The following PDXK variants were observed in gnomAD, a reference collection of about 807,000 sequenced individuals.
PDXK encodes the protein epididymis secretory sperm binding protein Li 1a.
Under a neutral mutation model 43.2 loss-of-function variants are expected in PDXK, and 15 were observed. The observed-to-expected ratio is 0.35, with a 90% CI of 0.23 to 0.53. The LOEUF (loss-of-function observed/expected upper bound fraction) is 0.53. Ranked by LOEUF, PDXK falls within the 20% of genes least tolerant of loss-of-function variation. The probability of loss-of-function intolerance (pLI) is 0.92; values close to 1 mark genes in which losing one functional copy is unlikely to be tolerated. For missense variants in PDXK, 343 were observed against 417.0 expected (o/e 0.82, Z 1.54); for synonymous variants, 172 against 165.4 (o/e 1.04, Z -0.31).
intron 10 of PDXK, 80 bp from the exon 11 acceptor site, chr21:43,755,871 C>T: frequency 7.0e-7 from 1 of 1,426,606 alleles, no homozygotes; most frequent in Non-Finnish European, 9.9e-7. Context: ...GTGTCTCCTG[C>T]TGACCTCACC....
Position 43,762,251 on chromosome 21 carries a change from G to T in PDXK, c.*6188G>T, listed in dbSNP as rs1180078131. ...GTGTAGGCTGCATCTGTTTCGTGCT[G>T]GTCCTGTTGACTTGTATGATATCCA... On this transcript the variant is annotated 3_prime_UTR_variant, in exon 11 of 11. Coordinates refer to ENST00000291565, the MANE Select transcript of PDXK (RefSeq NM_003681.5). The T allele has an allele frequency of 2.0e-5, 3 of 152,242 alleles. No individual in the cohort carries two copies. Among genetic ancestry groups the T allele is most frequent in the Non-Finnish European group, 4.4e-5 (3 of 68,078 alleles). The allele number at this position is 152,242 out of a possible 1,614,324, so 9.4% of individuals were successfully genotyped here. A position where few individuals can be genotyped will look rare whatever the true frequency, so the allele number is the denominator to read the frequency against.
Position 43,728,775 on chromosome 21 carries a change from T to A in PDXK, c.88-5294T>A, listed in dbSNP as rs892480787. 8.1e-6 allele frequency: 8 copies of A among 985,562 alleles called. No homozygotes were observed. In the African/African-American group the frequency reaches 1.4e-4, roughly 17 times the overall value. 61.1% of individuals were successfully genotyped at this position (985,562 alleles called of 1,614,324 possible). ...CGCCTGGGCAGGGGATGAGCTTGTGTCGCGGGCGGCAGGGGGAAGGGAGTC... is the reference window on the plus strand; with the variant it reads ...CGCCTGGGCAGGGGATGAGCTTGTGACGCGGGCGGCAGGGGGAAGGGAGTC... On this transcript the variant is annotated intron_variant, in intron 1 of 10. Transcript: ENST00000291565.
Position 43,737,246 on chromosome 21 carries a change from C to T in PDXK, c.142+3123C>T, listed in dbSNP as rs1195873135. On this transcript the variant is annotated intron_variant, in intron 2 of 10. Transcript: ENST00000291565. This position sits in a 1 kb window ranked among gnomAD's most constrained non-coding sequence, Gnocchi z 4.8. ...CCTTCAGGCTGGGGGGTGGGAAAGC[C>T]GATCCCCCAAGTGCCTGCAGAGCCC... The T allele has an allele frequency of 5.6e-6, 8 of 1,426,798 alleles. No homozygotes were observed. In the South Asian group the frequency reaches 6.0e-5, roughly 11 times the overall value. The allele number at this position is 1,426,798 out of a possible 1,614,324, so 88.4% of individuals were successfully genotyped here. A position where few individuals can be genotyped will look rare whatever the true frequency, so the allele number is the denominator to read the frequency against.
At chr21:43,745,955 C>T (rs1568987484) in intron 4 of PDXK, 124 bp from the exon 5 acceptor site, 2 of 771,618 alleles carry the variant, frequency 2.6e-6, no homozygotes, top group Non-Finnish European at 4.6e-6. Context: ...CATGATTGCA[C>T]CACTGCACTC....
At position 43,734,638 on chromosome 21, in the gene PDXK, C is replaced by T. The variant is rs140324875; in HGVS notation, c.142+515C>T. On this transcript the variant is annotated intron_variant, in intron 2 of 10. Coordinates refer to ENST00000291565, the MANE Select transcript of PDXK (RefSeq NM_003681.5). This position sits in a 1 kb window ranked among gnomAD's most constrained non-coding sequence, Gnocchi z 5.0. ...TGTTAACAGCAGTGCTGCAGGGCCC[C>T]GTGTGTGCCTCTGTCTCCCTGCCCT... 6.6e-3 allele frequency among the ~76,000 whole-genome samples: 1,007 copies of T among 152,194 alleles called. 21 individuals carry two copies. The highest frequency in any genetic ancestry group is 4.6e-3 in the Non-Finnish European group (315 of 68,006).
chr21:43,722,638 G>A (rs911225048), intron 1 of PDXK, among the ~76,000 whole-genome samples: 4 of 151,666 alleles, frequency 2.6e-5, no homozygotes, highest in African/African-American at 9.7e-5. Flanking sequence ...CCATACAAGG[G>A]TCCTTCCCGG....
At chr21:43,743,165 A>T (rs13051376) in intron 3 of PDXK, among the ~76,000 whole-genome samples, 3 of 33,732 alleles carry the variant, frequency 8.9e-5, no homozygotes, top group Non-Finnish European at 1.6e-4. Flanking sequence ...CCCTCCCCCC[A>T]GCTCCTGAGC....
rs66466038 is a variant in PDXK, at chr21:43,752,101, A to ATGTGTGTGTG, written c.511-400_511-391dup. On this transcript the variant is annotated intron_variant, in intron 7 of 10. Coordinates refer to ENST00000291565, the MANE Select transcript of PDXK (RefSeq NM_003681.5). ...CACGTGCTGGGTGGCGATGCAGCAC[A>ATGTGTGTGTG]TGTGTGTGTGTGTGTGTGTGTGTGT... is the stretch of plus-strand genomic sequence containing the variant. 2.7e-5 allele frequency among the ~76,000 whole-genome samples: 4 copies of ATGTGTGTGTG among 146,498 alleles called. No individual in the cohort carries two copies. The East Asian group carries it at 5.9e-4, about 22-fold the overall frequency.
chr21:43,737,584 C>T lies in PDXK; in HGVS notation c.142+3461C>T, dbSNP rs974899796. ...AGAGCCAGAGGGGATGGGACAGGTG[C>T]CCTGCTGCTGGGCTTGGTGGTCCCT... On this transcript the variant is annotated intron_variant, in intron 2 of 10. Transcript: ENST00000291565. This position sits in a 1 kb window ranked among gnomAD's most constrained non-coding sequence, Gnocchi z 4.8. The T allele has an allele frequency of 2.0e-6, 2 of 992,306 alleles. No homozygotes were observed. The highest frequency in any genetic ancestry group is 1.8e-5 in the African/African-American group (1 of 55,988). 61.5% of individuals were successfully genotyped at this position (992,306 alleles called of 1,614,324 possible).
intron 7 of PDXK, among the ~76,000 whole-genome samples, chr21:43,751,378 A>G (rs1321746982): frequency 6.6e-6 from 1 of 152,068 alleles, no homozygotes; most frequent in Admixed American, 6.6e-5. Flanking sequence ...GTAAAACCCC[A>G]TCTCTACTAA....
chr21:43,752,571 C>G lies in PDXK; in HGVS notation c.564C>G (p.Ser188=). 6.2e-7 allele frequency: 1 copy of G among 1,613,074 alleles called. No individual in the cohort carries two copies. The highest frequency in any genetic ancestry group is 8.5e-7 in the Non-Finnish European group (1 of 1,179,916). The stretch of plus-strand genomic sequence containing the variant: ...CCGACACCGTGGTCATCACCAGCTC[C>G]GACCTGCCCTCCCCGCAGGGCAGCA... The part of the protein sequence containing the change: ...MGPDTVVITS[S]DLPSPQGSNY... Residue 188 remains serine, a synonymous_variant, in exon 8 of 11, where the codon TCC becomes TCG. Transcript: ENST00000291565.
chr21:43,745,989 C>A (rs1378821671), intron 4 of PDXK, 90 bp from the exon 5 acceptor site: 42 of 1,022,070 alleles, frequency 4.1e-5, no homozygotes, highest in Non-Finnish European at 6.2e-5. Context: ...AGAGCAAGAC[C>A]CTGTCTTAAA....
Position 43,734,186 on chromosome 21 carries a change from TGTGGGTGTG to T in PDXK, c.142+64_142+72del, listed in dbSNP as rs2083366910. 6.1e-6 allele frequency: 9 copies of T among 1,466,766 alleles called. No individual in the cohort carries two copies. The African/African-American group carries it at 1.5e-4, about 24-fold the overall frequency. 90.9% of individuals were successfully genotyped at this position (1,466,766 alleles called of 1,614,324 possible). ...TGTGGGTGTGAGGGACGGGGCGGAG[TGTGGGTGTG>T]AGGGACGGGGCGGAGTGTGGGTGTG... On this transcript the variant is annotated intron_variant, in intron 2 of 10. Coordinates refer to ENST00000291565, the MANE Select transcript of PDXK (RefSeq NM_003681.5). The surrounding 1 kb of genome is among the most constrained non-coding windows in gnomAD (Gnocchi z 5.0).
chr21:43,747,211 G>A (rs892311404), intron 5 of PDXK: 8 of 152,286 alleles, frequency 5.3e-5, no homozygotes, highest in African/African-American at 1.9e-4. Context: ...CACAGACCTG[G>A]ACGTCGGATC....
At chr21:43,725,548 G>A (rs1328130725) in intron 1 of PDXK, among the ~76,000 whole-genome samples, 2 of 152,130 alleles carry the variant, frequency 1.3e-5, no homozygotes, top group Admixed American at 6.5e-5. Flanking sequence ...GGTGGCTCAC[G>A]CCTATAATCC....
intron 5 of PDXK, chr21:43,748,488 A>T (rs2083676769): frequency 6.5e-6 from 1 of 153,184 alleles, no homozygotes; most frequent in Non-Finnish European, 1.5e-5. Flanking sequence ...ACTGTCTCAA[A>T]AAACAAAACA....
chr21:43,720,802 C>T (rs112304751), intron 1 of PDXK, among the ~76,000 whole-genome samples: 45 of 152,250 alleles, frequency 3.0e-4, no homozygotes, highest in African/African-American at 6.5e-4. Context: ...AACCAGGGGG[C>T]TCTGAGGACA....
chr21:43,750,634 C>G (rs2083719876), intron 7 of PDXK, 89 bp downstream of exon 7: 4 of 982,952 alleles, frequency 4.1e-6, no homozygotes, highest in Non-Finnish European at 6.3e-6. Context: ...ACCACTGTGT[C>G]ATTTCTCCCC....
At chr21:43,739,151 G>T (rs2083452432) in intron 2 of PDXK, among the ~76,000 whole-genome samples, 1 of 151,882 alleles carries the variant, frequency 6.6e-6, no homozygotes, top group African/African-American at 2.4e-5. Flanking sequence ...CACCAGGTTG[G>T]TCTCGATCTC....
Sources: allele counts gnomAD v4.1 joint callset (sites outside exome capture counted in the v4.1 genomes callset), GRCh38; gene constraint gnomAD v4.1.1; non-coding constraint Gnocchi (gnomAD v3.1); transcripts MANE v1.5; gene names NCBI Gene and HGNC (gene_info 2026-07-23, HGNC 2026-07-21).